The following DDX60L variants were observed in gnomAD, a reference collection of about 807,000 sequenced individuals.
DDX60L encodes the protein DExD/H-box 60 like.
In DDX60L, 191 loss-of-function variants were observed where a neutral mutation model predicts 211.6. The observed-to-expected ratio is 0.90, with a 90% confidence interval of 0.80 to 1.02. DDX60L has a LOEUF of 1.02. DDX60L is among the 50% of genes least tolerant of loss of function. The pLI, the probability that DDX60L is intolerant of heterozygous loss-of-function variation, is 0.00. For missense variants in DDX60L, 2,007 were observed against 1,984.1 expected, an observed-to-expected ratio of 1.01 and a Z score of -0.22; for synonymous variants, 706 against 694.1, an observed-to-expected ratio of 1.02 and a Z score of -0.27.
chr4:168,434,424 C>CCA (rs1752768288), intron 10 of DDX60L, among the ~76,000 whole-genome samples: 1 of 151,910 alleles, frequency 6.6e-6, no homozygotes, highest in South Asian at 2.1e-4. Context: ...ACACCTTCCA[C>CCA]CACAACTATG....
At chr4:168,411,557 C>T (rs1421625166) in intron 22 of DDX60L, among the ~76,000 whole-genome samples, 1 of 152,158 alleles carries the variant, frequency 6.6e-6, no homozygotes, top group Non-Finnish European at 1.5e-5. Flanking sequence ...CTGCCCATCC[C>T]AGCAGTCGAA....
At chr4:168,393,467 G>T (rs1745213879) in intron 28 of DDX60L, among the ~76,000 whole-genome samples, 1 of 152,154 alleles carries the variant, frequency 6.6e-6, no homozygotes, top group Non-Finnish European at 1.5e-5. Flanking sequence ...CTGCACTCCA[G>T]CCTGGGGGAC....
intron 30 of DDX60L, among the ~76,000 whole-genome samples, chr4:168,381,250 C>T (rs1035660253): frequency 2.6e-5 from 4 of 152,144 alleles, no homozygotes; most frequent in African/African-American, 9.7e-5. Context: ...AAGGCAAATG[C>T]TGATAGTCAA....
intron 22 of DDX60L, among the ~76,000 whole-genome samples, chr4:168,414,828 A>G (rs1421183572): frequency 6.6e-6 from 1 of 151,844 alleles, no homozygotes; most frequent in Non-Finnish European, 1.5e-5. Flanking sequence ...ATGCATGGAG[A>G]CAGAGAGTAG....
chr4:168,377,339 TAA>T (rs1553990364), intron 33 of DDX60L, among the ~76,000 whole-genome samples: 1 of 123,858 alleles, frequency 8.1e-6, no homozygotes, highest in Admixed American at 8.1e-5. Context: ...AATAAATAAA[TAA>T]AAATATCTTC....
chr4:168,393,152 G>T (rs1263113358), intron 28 of DDX60L, among the ~76,000 whole-genome samples: 1 of 152,080 alleles, frequency 6.6e-6, no homozygotes, highest in East Asian at 1.9e-4. Flanking sequence ...TTTATAAACA[G>T]CAAGAAACAA....
intron 11 of DDX60L, 95 bp from the exon 12 acceptor site, chr4:168,432,665 T>C: frequency 1.5e-6 from 1 of 683,286 alleles, no homozygotes; most frequent in Non-Finnish European, 2.3e-6. Flanking sequence ...ACAACCTCTT[T>C]TTCTATTTGT....
rs1358086224 is a variant in DDX60L at position 168,420,288 on chromosome 4, A to G, written c.2487T>C (p.Asp829=). 3 of 1,604,448 alleles carry G rather than the reference A, an allele frequency of 1.9e-6. No homozygotes were observed. The highest frequency in any genetic ancestry group is 2.6e-6 in the Non-Finnish European group (3 of 1,176,356). Reference sequence around the variant, plus strand: ...GACAGTTTAGTACATTGTGACAATAATCTCTTGTAAAAGCACCGCATAGAG... The same window carrying G: ...GACAGTTTAGTACATTGTGACAATAGTCTCTTGTAAAAGCACCGCATAGAG... ...GRTLCGAFTR[D]YCHNVLNCQV... is the part of the protein sequence containing the mutation. The change falls in exon 18 of 38, where the codon GAT becomes GAC. Residue 829 remains aspartate, a synonymous_variant. Coordinates refer to ENST00000682922, the MANE Select transcript of DDX60L (RefSeq NM_001012967.3).
chr4:168,455,272 T>TTG (rs34353821), intron 7 of DDX60L, among the ~76,000 whole-genome samples: 2,596 of 144,164 alleles, frequency 0.018, 34 homozygotes, highest in Admixed American at 0.025. Context: ...CATACAAACT[T>TTG]TGTGTGTGTG....
rs1448162570 is a variant in DDX60L at position 168,401,462 on chromosome 4, C to T, written c.3339-484G>A. ...AATGTATTTGATTAATGTCTCATATCTCCCTAAAATGTATAAAACCAAGCT... is the reference window on the plus strand; with the variant it reads ...AATGTATTTGATTAATGTCTCATATTTCCCTAAAATGTATAAAACCAAGCT... On this transcript the variant is annotated intron_variant, in intron 25 of 37. Coordinates refer to ENST00000682922, the MANE Select transcript of DDX60L (RefSeq NM_001012967.3). Among the ~76,000 whole-genome samples the T allele has an allele frequency of 4.6e-5, 7 of 152,232 alleles. 1 individual carries two copies. The highest frequency in any genetic ancestry group is 3.9e-4 in the Admixed American group (6 of 15,286).
chr4:168,376,271 G>A (rs1741934278), intron 33 of DDX60L, among the ~76,000 whole-genome samples: 1 of 151,918 alleles, frequency 6.6e-6, no homozygotes, highest in Admixed American at 6.6e-5. Flanking sequence ...AATAATTGAG[G>A]TATTTTATAA....
chr4:168,427,053 A>G lies in DDX60L; in HGVS notation c.1930+17T>C. 6.3e-7 allele frequency: 1 copy of G among 1,587,800 alleles called. No homozygotes were observed. Among genetic ancestry groups the G allele is most frequent in the Non-Finnish European group, 8.6e-7 (1 of 1,164,814 alleles). On this transcript the variant is annotated intron_variant, in intron 14 of 37. Coordinates refer to ENST00000682922, the MANE Select transcript of DDX60L (RefSeq NM_001012967.3). ...TTTCATCACTACTCTTTATCCATAG[A>G]GTATGGAGTCCCATACCTTCACCTC...
chr4:168,397,900 CA>C (rs1439300224), intron 26 of DDX60L, among the ~76,000 whole-genome samples: 1 of 152,150 alleles, frequency 6.6e-6, no homozygotes, highest in African/African-American at 2.4e-5. Context: ...ACCCAAGCTG[CA>C]GCTGCAGCTG....
intron 25 of DDX60L, among the ~76,000 whole-genome samples, chr4:168,402,566 C>T (rs927376285): frequency 6.6e-6 from 1 of 152,176 alleles, no homozygotes; most frequent in African/African-American, 2.4e-5. Context: ...TCAAATGAGG[C>T]TGCAAGAAGC....
At position 168,459,864 on chromosome 4, in the gene DDX60L, C is replaced by CA. The variant is rs1392757505; in HGVS notation, c.606+1834dup. Among the ~76,000 whole-genome samples, 445 of 110,586 alleles carry CA rather than the reference C, an allele frequency of 4.0e-3. 1 individual carries two copies. Among genetic ancestry groups the CA allele is most frequent in the African/African-American group, 0.012 (385 of 30,984 alleles). 72.5% of individuals were successfully genotyped at this position (110,586 alleles called of 152,430 possible). A position where few individuals can be genotyped will look rare whatever the true frequency, so the allele number is the denominator to read the frequency against. ...GGGAAGGAAAGAGAAGTCTAAAGTT[C>CA]AAAAAAAAAAAACCTGGGGAAATAT... On this transcript the variant is annotated intron_variant, in intron 5 of 37. Coordinates refer to ENST00000682922, the MANE Select transcript of DDX60L (RefSeq NM_001012967.3).
intron 8 of DDX60L, among the ~76,000 whole-genome samples, chr4:168,450,859 G>A (rs545814421): frequency 6.6e-6 from 1 of 152,200 alleles, no homozygotes; most frequent in East Asian, 1.9e-4. Flanking sequence ...GTGAGCTATG[G>A]TCATGCCACA....
At chr4:168,393,810 T>C (rs927682942) in intron 28 of DDX60L, among the ~76,000 whole-genome samples, 3 of 152,200 alleles carry the variant, frequency 2.0e-5, no homozygotes, top group Admixed American at 6.5e-5. Context: ...TGACCAAATG[T>C]ATAGTCATTT....
chr4:168,417,093 GCCTT>G (rs1749698458), intron 19 of DDX60L, among the ~76,000 whole-genome samples: 1 of 152,072 alleles, frequency 6.6e-6, no homozygotes, highest in Non-Finnish European at 1.5e-5. Context: ...TTCTACAACA[GCCTT>G]CTGATTTTTC....
rs3833609 is a variant in DDX60L at position 168,375,404 on chromosome 4, CT to C, written c.4605del (p.Glu1536SerfsTer25). ...ATTCTTGACAAAGGGAGTTGATGCT[CT>C]TTTTTCATGTTCACCGACTTGGAAG... Reference protein sequence around the residue: ...LIASKSVNMKKEHQLPLSRIK... With the variant: ...LIASKSVNMKXEHQLPLSRIK... On this transcript the variant is annotated frameshift_variant, in exon 34 of 38. Coordinates refer to ENST00000682922, the MANE Select transcript of DDX60L (RefSeq NM_001012967.3). LOFTEE classifies it high-confidence loss of function. 6.2e-7 allele frequency: 1 copy of C among 1,612,568 alleles called. No individual in the cohort carries two copies. The highest frequency in any genetic ancestry group is 8.5e-7 in the Non-Finnish European group (1 of 1,179,280).
Sources: gnomAD v4.1 joint callset for allele counts (sites outside exome capture counted in the v4.1 genomes callset) on GRCh38, gnomAD v4.1.1 for gene constraint, MANE v1.5 for transcripts, NCBI Gene and HGNC (gene_info 2026-07-23, HGNC 2026-07-21) for gene names.